Variants in HLCS observed in about 807,000 individuals in gnomAD.
HLCS encodes the protein biotin--protein ligase.
HLCS carries 53 observed loss-of-function variants against 75.0 expected under a neutral mutation model. The observed-to-expected ratio is 0.71, with a 90% CI of 0.57 to 0.89. HLCS has a LOEUF of 0.89. Among genes scored for constraint, HLCS ranks in the 40% least tolerant of loss-of-function variants. The pLI is 0.00. For missense variants in HLCS, 966 were observed against 1,074.0 expected, an observed-to-expected ratio of 0.90 and a Z score of 1.41; for synonymous variants, 431 against 428.6, an observed-to-expected ratio of 1.01 and a Z score of -0.07.
At chr21:36,785,086 T>G (rs1051440503) in intron 6 of HLCS, among the ~76,000 whole-genome samples, 3 of 152,074 alleles carry the variant, frequency 2.0e-5, no homozygotes, top group African/African-American at 7.3e-5. Context: ...CAAGGAAGAA[T>G]GCCCTGCCCT....
chr21:36,815,516 G>C (rs997181645), intron 6 of HLCS, among the ~76,000 whole-genome samples: 1 of 152,200 alleles, frequency 6.6e-6, no homozygotes, highest in Non-Finnish European at 1.5e-5. Flanking sequence ...AGACATTCAT[G>C]CTTCTCATAT....
At chr21:36,835,231 T>C (rs1002286824) in intron 6 of HLCS, among the ~76,000 whole-genome samples, 28 of 152,286 alleles carry the variant, frequency 1.8e-4, no homozygotes, top group African/African-American at 6.5e-4. Flanking sequence ...AATACAGTCA[T>C]AAAGATTTTA....
Position 36,966,540 on chromosome 21 carries a change from G to C in HLCS, c.99C>G (p.Arg33=), listed in dbSNP as rs1267781275. 6.0e-6 allele frequency: 6 copies of C among 1,000,388 alleles called. No homozygotes were observed. Among genetic ancestry groups the C allele is most frequent in the Non-Finnish European group, 7.1e-6 (6 of 842,392 alleles). 62.0% of individuals were successfully genotyped at this position (1,000,388 alleles called of 1,614,324 possible). The change falls in exon 1 of 11, where the codon CGC becomes CGG. Residue 33 remains arginine, a synonymous_variant. Transcript: ENST00000674895. ...CCGCGCCGCAGAAGGTGAAGGAACA[G>C]CGCGAGGCACGCAGCCGCCGCACCG... The part of the protein sequence containing the change: ...RATVRRLRAS[R]CSFTFCGAAA...
chr21:36,934,785 A>G (rs1030395570), intron 4 of HLCS, among the ~76,000 whole-genome samples: 1 of 152,164 alleles, frequency 6.6e-6, no homozygotes, highest in Admixed American at 6.5e-5. Flanking sequence ...GGAAAGAGGA[A>G]ACTAACCAGC....
chr21:36,936,972 GTGA>G lies in HLCS; in HGVS notation c.911_913del (p.Leu304_Thr305delinsPro). 6.2e-7 allele frequency: 1 copy of G among 1,614,110 alleles called. No individual in the cohort carries two copies. On this transcript the variant is annotated inframe_deletion, in exon 4 of 11. Coordinates refer to ENST00000674895, the MANE Select transcript of HLCS (RefSeq NM_001352514.2). Reference sequence around the variant, plus strand: ...GAGGAGGATGTTGGGTGCCTTTCCCGTGAGGTTGACTCTCCTCCCTTCTCTTTC... The same window carrying G: ...GAGGAGGATGTTGGGTGCCTTTCCCGGGTTGACTCTCCTCCCTTCTCTTTC...
At chr21:36,985,721 G>A (rs991588314) in intron 1 of HLCS, among the ~76,000 whole-genome samples, 9 of 151,808 alleles carry the variant, frequency 5.9e-5, no homozygotes, top group South Asian at 2.1e-4. Context: ...AGCCAAGATC[G>A]GGCCACTGCA....
At chr21:36,841,557 C>T (rs1042933692) in intron 6 of HLCS, among the ~76,000 whole-genome samples, 7 of 152,220 alleles carry the variant, frequency 4.6e-5, no homozygotes, top group Non-Finnish European at 1.0e-4. Flanking sequence ...AGGGCTAGGG[C>T]TGCACAACGT....
intron 2 of HLCS, among the ~76,000 whole-genome samples, chr21:36,946,512 G>C (rs1320666459): frequency 3.3e-5 from 5 of 152,076 alleles, no homozygotes; most frequent in Non-Finnish European, 1.5e-5. Flanking sequence ...AAAGTGCTGG[G>C]ATTACAGGTG....
At chr21:36,945,220 GTTTT>G (rs1050000575) in intron 2 of HLCS, among the ~76,000 whole-genome samples, 1 of 149,594 alleles carries the variant, frequency 6.7e-6, no homozygotes, top group Non-Finnish European at 1.5e-5. Context: ...TTTTTTTTTG[GTTTT>G]TTTTTGTCTC....
In HLCS at chr21:36,759,781, C is replaced by T. The variant is rs119103230; in HGVS notation, c.2182G>A (p.Gly728Ser). The T allele has an allele frequency of 2.9e-5, 47 of 1,613,668 alleles. No individual in the cohort carries two copies. The highest frequency in any genetic ancestry group is 3.6e-5 in the Non-Finnish European group (43 of 1,179,618). The change falls in exon 9 of 11, where the codon GGC becomes AGC. Residue 728 changes from glycine to serine, a missense_variant. Transcript: ENST00000674895. ...DIYYSDLMKI[G>S]GVLVNSTLMG... ...AGTGTTGAGTTAACCAGAACTCCGC[C>T]GATCTTCATGAGGTCACTGTAATAA...
chr21:36,925,084 T>C (rs915967959), intron 5 of HLCS, among the ~76,000 whole-genome samples: 24 of 152,164 alleles, frequency 1.6e-4, no homozygotes, highest in African/African-American at 5.8e-4. Context: ...CTGCTTTTTA[T>C]GGGGGGAAAA....
At chr21:36,844,219 C>T (rs1330735646) in intron 6 of HLCS, among the ~76,000 whole-genome samples, 1 of 152,112 alleles carries the variant, frequency 6.6e-6, no homozygotes, top group Non-Finnish European at 1.5e-5. Flanking sequence ...ACCCATAGAA[C>T]TCCGCAGCAC....
At chr21:36,871,513 C>G (rs2146232237) in intron 6 of HLCS, among the ~76,000 whole-genome samples, 2 of 152,222 alleles carry the variant, frequency 1.3e-5, no homozygotes, top group Middle Eastern at 6.8e-3. Context: ...ATGACACATC[C>G]ATGCAACAAG....
chr21:36,793,589 C>T lies in HLCS; in HGVS notation c.1893-26304G>A, dbSNP rs371147402. ...TGCTGGGGTTACAGGTGTGAGCCAC[C>T]GCGCCCAGCCAGGATGCAATCTTAT... On this transcript the variant is annotated intron_variant, in intron 6 of 10. Coordinates refer to ENST00000674895, the MANE Select transcript of HLCS (RefSeq NM_001352514.2). Among the ~76,000 whole-genome samples, 8 of 152,120 alleles carry T rather than the reference C, an allele frequency of 5.3e-5. No homozygotes were observed. The East Asian group carries it at 7.7e-4, about 15-fold the overall frequency.
At chr21:36,759,551 C>G (rs1053564566) in intron 9 of HLCS, among the ~76,000 whole-genome samples, 176 bp downstream of exon 9, 1 of 152,164 alleles carries the variant, frequency 6.6e-6, no homozygotes, top group Non-Finnish European at 1.5e-5. Flanking sequence ...AAATGCTAAA[C>G]CCTGTGAAGT....
At chr21:36,817,525 C>T (rs529139456) in intron 6 of HLCS, among the ~76,000 whole-genome samples, 44 of 152,280 alleles carry the variant, frequency 2.9e-4, no homozygotes, top group African/African-American at 9.9e-4. Flanking sequence ...CTCCACCCAC[C>T]GGCATTTCTC....
At chr21:36,893,247 T>C (rs1181624078) in intron 6 of HLCS, among the ~76,000 whole-genome samples, 1 of 152,120 alleles carries the variant, frequency 6.6e-6, no homozygotes, top group Non-Finnish European at 1.5e-5. Flanking sequence ...AATTTTTGTA[T>C]TTTTAGTAGA....
At chr21:36,873,637 G>T (rs2063849571) in intron 6 of HLCS, among the ~76,000 whole-genome samples, 1 of 152,106 alleles carries the variant, frequency 6.6e-6, no homozygotes, top group African/African-American at 2.4e-5. Context: ...TCTTTTTAGA[G>T]ACAGGGTGTC....
intron 5 of HLCS, among the ~76,000 whole-genome samples, chr21:36,927,364 C>G (rs778423270): frequency 3.3e-5 from 5 of 152,228 alleles, no homozygotes; most frequent in Non-Finnish European, 7.3e-5. Context: ...TTCCCAAATG[C>G]CAAGGGCTGA....
Sources: allele counts gnomAD v4.1 joint callset (sites outside exome capture counted in the v4.1 genomes callset), GRCh38; gene constraint gnomAD v4.1.1; transcripts MANE v1.5; gene names NCBI Gene and HGNC (gene_info 2026-07-23, HGNC 2026-07-21).